Variants in KRABD5 observed in about 807,000 individuals in gnomAD.
KRABD5 encodes KRAB domain-containing protein 5.
chr16:31,747,675 C>T, the KRABD5 span, among the ~76,000 whole-genome samples: 30 of 152,166 alleles, frequency 2.0e-4, no homozygotes, highest in South Asian at 3.7e-3. Context: ...TTTTAATGAT[C>T]GCCATTGTAA....
chr16:31,751,977 G>A, the KRABD5 span, among the ~76,000 whole-genome samples: 1 of 152,148 alleles, frequency 6.6e-6, no homozygotes, highest in Non-Finnish European at 1.5e-5. Context: ...TTATTTCAAA[G>A]AACTTTTAAA....
chr16:31,734,696 C>T, the KRABD5 span, among the ~76,000 whole-genome samples: 4 of 151,884 alleles, frequency 2.6e-5, no homozygotes, highest in Non-Finnish European at 4.4e-5. Flanking sequence ...CCCCTTCAGT[C>T]TCTGGTAACC....
chr16:31,728,894 T>A, the KRABD5 span, among the ~76,000 whole-genome samples: 1 of 152,226 alleles, frequency 6.6e-6, no homozygotes, highest in Non-Finnish European at 1.5e-5. Context: ...TCTCTTTTGT[T>A]GTATTTCTGT....
At chr16:31,754,954 A>T in the KRABD5 span, 7 of 447,544 alleles carry the variant, frequency 1.6e-5, no homozygotes, top group Non-Finnish European at 2.7e-5. Flanking sequence ...ACACTGGAGA[A>T]AAACTTTACA....
the KRABD5 span, among the ~76,000 whole-genome samples, chr16:31,742,957 CTTCTT>C: frequency 6.6e-6 from 1 of 152,114 alleles, no homozygotes; most frequent in Non-Finnish European, 1.5e-5. Context: ...GCATAAATGT[CTTCTT>C]TTAAGAAGTG....
the KRABD5 span, among the ~76,000 whole-genome samples, chr16:31,720,659 A>G: frequency 6.6e-6 from 1 of 152,200 alleles, no homozygotes; most frequent in South Asian, 2.1e-4. Flanking sequence ...GTGAGCATTG[A>G]TACCAATTCG....
the KRABD5 span, among the ~76,000 whole-genome samples, chr16:31,731,773 G>C: frequency 6.6e-6 from 1 of 152,180 alleles, no homozygotes; most frequent in South Asian, 2.1e-4. Flanking sequence ...CCCAGGTTGA[G>C]CAAAACTCCT....
chr16:31,752,026 AGG>A, the KRABD5 span, among the ~76,000 whole-genome samples: 1 of 152,334 alleles, frequency 6.6e-6, no homozygotes. Context: ...AAAGTTGTTG[AGG>A]AGCCAGTTGT....
chr16:31,736,632 C>G, the KRABD5 span, among the ~76,000 whole-genome samples: 1 of 151,436 alleles, frequency 6.6e-6, no homozygotes. Context: ...ATTGTCCTGC[C>G]TCAGCCTCCC....
chr16:31,722,628 A>G, the KRABD5 span: 1 of 1,612,696 alleles, frequency 6.2e-7, no homozygotes, highest in Non-Finnish European at 8.5e-7. Context: ...TATTTCAGGG[A>G]CTGTTGACAT....
chr16:31,734,156 C>T, the KRABD5 span, among the ~76,000 whole-genome samples: 1 of 151,620 alleles, frequency 6.6e-6, no homozygotes, highest in Non-Finnish European at 1.5e-5. Context: ...GTATAATGAT[C>T]ATATCAGGAT....
the KRABD5 span, among the ~76,000 whole-genome samples, chr16:31,734,532 A>C: frequency 6.6e-6 from 1 of 152,142 alleles, no homozygotes; most frequent in East Asian, 1.9e-4. Flanking sequence ...GATTATAGGC[A>C]TGTTACACTG....
chr16:31,713,530 T>A, the KRABD5 span: 4 of 1,481,036 alleles, frequency 2.7e-6, no homozygotes, highest in Admixed American at 6.7e-5. Flanking sequence ...GTCTGGGCCC[T>A]GAGTCCCCGC....
chr16:31,727,792 T>C, the KRABD5 span, among the ~76,000 whole-genome samples: 3 of 152,238 alleles, frequency 2.0e-5, no homozygotes, highest in African/African-American at 7.2e-5. Flanking sequence ...ATATAATTGT[T>C]CATAGTAGTC....
At chr16:31,751,694 T>C in the KRABD5 span, among the ~76,000 whole-genome samples, 2 of 152,222 alleles carry the variant, frequency 1.3e-5, no homozygotes, top group African/African-American at 4.8e-5. Context: ...TCTATCAATC[T>C]CGTTTACCCT....
chr16:31,744,320 G>A, the KRABD5 span, among the ~76,000 whole-genome samples: 3 of 152,080 alleles, frequency 2.0e-5, no homozygotes, highest in Non-Finnish European at 2.9e-5. Flanking sequence ...TTTATTGAGA[G>A]TTTTTAACAT....
chr16:31,742,170 T>A, the KRABD5 span, among the ~76,000 whole-genome samples: 2,271 of 133,304 alleles, frequency 0.017, 66 homozygotes, highest in African/African-American at 0.06. Flanking sequence ...TTAAAAAAAA[T>A]TTTTTGTTTT....
chr16:31,735,810 A>G, the KRABD5 span, among the ~76,000 whole-genome samples: 1 of 152,178 alleles, frequency 6.6e-6, no homozygotes, highest in African/African-American at 2.4e-5. Context: ...TATATACTCA[A>G]TATTAACCTC....
the KRABD5 span, among the ~76,000 whole-genome samples, chr16:31,715,750 C>T: frequency 2.6e-5 from 4 of 152,054 alleles, no homozygotes; most frequent in Non-Finnish European, 5.9e-5. Context: ...GTTGGACAAC[C>T]AGTTGGTGTT....
Sources: gnomAD v4.1 joint callset for allele counts (sites outside exome capture counted in the v4.1 genomes callset) on GRCh38, gnomAD v4.1.1 for gene constraint, MANE v1.5 for transcripts, NCBI Gene and HGNC (gene_info 2026-07-23, HGNC 2026-07-21) for gene names.